The following GRIA4 variants were observed in gnomAD, a reference collection of about 807,000 sequenced individuals.
The protein encoded by GRIA4 is glutamate ionotropic receptor AMPA type subunit 4, also known as glutamate receptor 4.
A neutral mutation model predicts 104.0 loss-of-function variants in GRIA4; 34 were observed. That is an observed-to-expected ratio of 0.33 (90% CI 0.25 to 0.44). The LOEUF (loss-of-function observed/expected upper bound fraction) is 0.44, where lower values mean the gene tolerates loss of function less well. Among genes scored for constraint, GRIA4 ranks in the 20% least tolerant of loss-of-function variants. The probability of loss-of-function intolerance (pLI) is 1.00; values close to 1 mark genes in which losing one functional copy is unlikely to be tolerated. For synonymous variants in GRIA4, 386 were observed against 381.9 expected, an observed-to-expected ratio of 1.01 and a Z score of -0.13; for missense variants, 750 against 1,096.5, an observed-to-expected ratio of 0.68 and a Z score of 4.46.
rs139916558 is a variant in GRIA4 at position 105,842,129 on chromosome 11, A to G, written c.488-19895A>G. Among the ~76,000 whole-genome samples the G allele has an allele frequency of 1.7e-4, 26 of 152,304 alleles. 1 individual carries two copies. The highest frequency in any genetic ancestry group is 6.3e-4 in the African/African-American group (26 of 41,580). On this transcript the variant is annotated intron_variant, in intron 4 of 16. Transcript: ENST00000282499. ...AAGCATTCAAGATAGAGGAAAGAGC[A>G]TGTGCAATGCCCTAAGGAGAGAATA...
chr11:105,744,837 G>A (rs1294183238), intron 3 of GRIA4, among the ~76,000 whole-genome samples: 1 of 152,078 alleles, frequency 6.6e-6, no homozygotes, highest in Non-Finnish European at 1.5e-5. Flanking sequence ...CCCAGGCCCA[G>A]TGTAACCACA....
intron 4 of GRIA4, among the ~76,000 whole-genome samples, chr11:105,772,267 T>C (rs1428237654): frequency 6.6e-6 from 1 of 152,140 alleles, no homozygotes; most frequent in African/African-American, 2.4e-5. Context: ...CCACTGGCAA[T>C]GCTGGAAGTG....
At chr11:105,847,331 A>C (rs767744698) in intron 4 of GRIA4, among the ~76,000 whole-genome samples, 4 of 152,178 alleles carry the variant, frequency 2.6e-5, no homozygotes, top group Non-Finnish European at 5.9e-5. Flanking sequence ...CCCACTGCTC[A>C]CATCTTGCTG....
At chr11:105,845,470 T>C (rs146027167) in intron 4 of GRIA4, among the ~76,000 whole-genome samples, 6 of 152,236 alleles carry the variant, frequency 3.9e-5, no homozygotes, top group African/African-American at 1.4e-4. Flanking sequence ...GGAGCATCAA[T>C]GTTACATGGT....
chr11:105,816,480 T>C (rs1943380900), intron 4 of GRIA4, among the ~76,000 whole-genome samples: 1 of 152,150 alleles, frequency 6.6e-6, no homozygotes, highest in African/African-American at 2.4e-5. Flanking sequence ...CACCATGTAA[T>C]GTGCAAACTC....
At chr11:105,616,093 C>A (rs899744625) in intron 3 of GRIA4, among the ~76,000 whole-genome samples, 1 of 151,522 alleles carries the variant, frequency 6.6e-6, no homozygotes, top group Non-Finnish European at 1.5e-5. Flanking sequence ...CATGTATTAT[C>A]GTCTTGGTGA....
chr11:105,717,993 C>A (rs896644415), intron 3 of GRIA4, among the ~76,000 whole-genome samples: 2 of 151,646 alleles, frequency 1.3e-5, no homozygotes, highest in Non-Finnish European at 2.9e-5. Context: ...AACAAAAAAC[C>A]AAACACCGCA....
intron 14 of GRIA4, among the ~76,000 whole-genome samples, chr11:105,955,024 T>C (rs1948549991): frequency 6.6e-6 from 1 of 151,590 alleles, no homozygotes; most frequent in Admixed American, 6.6e-5. Flanking sequence ...GCAGCACCTT[T>C]AATTTCTTAG....
chr11:105,742,080 G>C (rs1029420959), intron 3 of GRIA4, among the ~76,000 whole-genome samples: 1 of 152,100 alleles, frequency 6.6e-6, no homozygotes, highest in Non-Finnish European at 1.5e-5. Context: ...TCATGTGGCA[G>C]TTAGTGTGTT....
chr11:105,889,864 T>C (rs1280836318), intron 6 of GRIA4, among the ~76,000 whole-genome samples: 2 of 152,202 alleles, frequency 1.3e-5, no homozygotes, highest in Non-Finnish European at 1.5e-5. Context: ...TATGTCTATA[T>C]GCTAGCAATA....
intron 4 of GRIA4, among the ~76,000 whole-genome samples, chr11:105,790,107 C>A (rs1244463092): frequency 6.6e-6 from 1 of 152,160 alleles, no homozygotes; most frequent in African/African-American, 2.4e-5. Flanking sequence ...AAATGCAAAA[C>A]TGCCAACCAA....
chr11:105,639,521 AT>A (rs998433249), intron 3 of GRIA4, among the ~76,000 whole-genome samples: 7 of 151,926 alleles, frequency 4.6e-5, no homozygotes, highest in African/African-American at 1.4e-4. Flanking sequence ...AATTCCAAGA[AT>A]TTTTTCTAAG....
intron 3 of GRIA4, among the ~76,000 whole-genome samples, chr11:105,737,466 A>C (rs1939024589): frequency 6.6e-6 from 1 of 152,072 alleles, no homozygotes; most frequent in Non-Finnish European, 1.5e-5. Context: ...GACTTTAGTA[A>C]GGGACAACTA....
At chr11:105,785,006 C>A (rs998538943) in intron 4 of GRIA4, among the ~76,000 whole-genome samples, 5 of 152,064 alleles carry the variant, frequency 3.3e-5, no homozygotes, top group African/African-American at 1.2e-4. Context: ...ATAATAAAAT[C>A]TACCATGTAT....
rs182400619 is a variant in GRIA4 at position 105,630,849 on chromosome 11, T to C, written c.247+18415T>C. On this transcript the variant is annotated intron_variant, in intron 3 of 16. Transcript: ENST00000282499. The stretch of plus-strand genomic sequence containing the variant: ...GCTTTCAAGATTTAGAATCAAAGAG[T>C]CCTATAATGAGAGTCTTCAAGTGAA... Among the ~76,000 whole-genome samples the C allele has an allele frequency of 1.1e-3, 168 of 151,932 alleles. 4 individuals are homozygous for C. Among genetic ancestry groups the C allele is most frequent in the Admixed American group, 9.0e-3 (137 of 15,254 alleles).
At chr11:105,872,503 A>T (rs1227237885) in intron 5 of GRIA4, among the ~76,000 whole-genome samples, 1 of 152,110 alleles carries the variant, frequency 6.6e-6, no homozygotes, top group African/African-American at 2.4e-5. Context: ...GGTGCTTATG[A>T]ATTCCACAGT....
intron 10 of GRIA4, among the ~76,000 whole-genome samples, chr11:105,914,416 T>G (rs1298146251): frequency 6.6e-6 from 1 of 152,126 alleles, no homozygotes; most frequent in Non-Finnish European, 1.5e-5. Flanking sequence ...ATATTTGTAA[T>G]GTTTAGAAAA....
intron 5 of GRIA4, among the ~76,000 whole-genome samples, chr11:105,883,818 T>C (rs537908346): frequency 6.6e-6 from 1 of 152,292 alleles, no homozygotes; most frequent in Admixed American, 6.5e-5. Flanking sequence ...GGTCGAATGG[T>C]ATTTCTAGTT....
At position 105,625,155 on chromosome 11, in the gene GRIA4, A is replaced by G. The variant is rs561329361; in HGVS notation, c.247+12721A>G. On this transcript the variant is annotated intron_variant, in intron 3 of 16. Transcript: ENST00000282499. Reference sequence around the variant, plus strand: ...GAGGCAGACAGACATATATAGACAGATAGATAGATAACCTGTCAACACTGT... The same window carrying G: ...GAGGCAGACAGACATATATAGACAGGTAGATAGATAACCTGTCAACACTGT... Among the ~76,000 whole-genome samples, 40 of 152,216 alleles carry G rather than the reference A, an allele frequency of 2.6e-4. No homozygotes were observed. In the South Asian group the frequency reaches 7.7e-3, roughly 29 times the overall value.
Sources: gnomAD v4.1 joint callset for allele counts (sites outside exome capture counted in the v4.1 genomes callset) on GRCh38, gnomAD v4.1.1 for gene constraint, MANE v1.5 for transcripts, NCBI Gene and HGNC (gene_info 2026-07-23, HGNC 2026-07-21) for gene names.